Variants in PID1 observed in about 807,000 individuals in gnomAD.
PID1 encodes PTB-containing, cubilin and LRP1-interacting protein.
Under a neutral mutation model 19.1 loss-of-function variants are expected in PID1, and 10 were observed. That is an observed-to-expected ratio of 0.52 (90% CI 0.32 to 0.89). The LOEUF is 0.89. Ranked by LOEUF, PID1 falls within the 40% of genes least tolerant of loss-of-function variation. PID1 has a pLI of 0.03. For synonymous variants in PID1, 130 were observed against 116.0 expected, an observed-to-expected ratio of 1.12 and a Z score of -0.78; for missense variants, 248 against 285.3, an observed-to-expected ratio of 0.87 and a Z score of 0.94.
chr2:229,162,227 G>T (rs1690505399), intron 1 of PID1, among the ~76,000 whole-genome samples: 1 of 152,176 alleles, frequency 6.6e-6, no homozygotes, highest in South Asian at 2.1e-4. Context: ...TGCAGACGGG[G>T]TAATCGCCAT....
chr2:229,072,850 G>C (rs1694484760), intron 2 of PID1, among the ~76,000 whole-genome samples: 1 of 152,170 alleles, frequency 6.6e-6, no homozygotes, highest in Non-Finnish European at 1.5e-5. Context: ...AAGATCTTCT[G>C]AGAAAATAAG....
At chr2:229,205,063 A>T (rs890012410) in intron 1 of PID1, among the ~76,000 whole-genome samples, 3 of 152,172 alleles carry the variant, frequency 2.0e-5, no homozygotes, top group Non-Finnish European at 2.9e-5. Flanking sequence ...ACATAAATAG[A>T]ATAACATTTA....
chr2:229,203,236 T>C (rs1358318531), intron 1 of PID1, among the ~76,000 whole-genome samples: 2 of 152,064 alleles, frequency 1.3e-5, no homozygotes, highest in South Asian at 2.1e-4. Context: ...TACAAAGTAA[T>C]AGGATCAGTG....
In PID1 at chr2:229,232,113, G is replaced by A. The variant is rs1395098636; in HGVS notation, c.30+38901C>T. The A allele has an allele frequency of 2.7e-6, 4 of 1,474,528 alleles. No individual in the cohort carries two copies. In the African/African-American group the frequency reaches 5.7e-5, roughly 21 times the overall value. 91.3% of individuals were successfully genotyped at this position (1,474,528 alleles called of 1,614,324 possible). On this transcript the variant is annotated intron_variant, in intron 1 of 2. Coordinates refer to ENST00000392055, the MANE Select transcript of PID1 (RefSeq NM_001100818.2). ...CATTCAAGAGGGGAGGAGCCCTGAT[G>A]ACTTAACCACCTCTTAAAGGTCCCT...
intron 2 of PID1, among the ~76,000 whole-genome samples, chr2:229,093,134 TTTTC>T (rs139361236): frequency 0.64 from 84,605 of 132,866 alleles, 27,839 homozygotes; most frequent in South Asian, 0.76. Flanking sequence ...TTCTTTTTCT[TTTTC>T]TTTTTTTTTT....
At chr2:229,075,633 C>A (rs1348023077) in intron 2 of PID1, among the ~76,000 whole-genome samples, 1 of 152,216 alleles carries the variant, frequency 6.6e-6, no homozygotes, top group Non-Finnish European at 1.5e-5. Flanking sequence ...AAATGCTGCT[C>A]TACACAGAGC....
intron 2 of PID1, among the ~76,000 whole-genome samples, chr2:229,111,078 TCC>T (rs1695288913): frequency 6.6e-6 from 1 of 152,212 alleles, no homozygotes; most frequent in Non-Finnish European, 1.5e-5. Context: ...TCTCATTCTC[TCC>T]CTTATCTGCT....
At chr2:229,181,062 CTCTT>C (rs1307000369) in intron 1 of PID1, among the ~76,000 whole-genome samples, 1 of 152,234 alleles carries the variant, frequency 6.6e-6, no homozygotes, top group Admixed American at 6.5e-5. Context: ...GTCTCTGTGT[CTCTT>C]TCTTTTCCAA....
At chr2:229,221,594 ATCT>A (rs1236669088) in intron 1 of PID1, among the ~76,000 whole-genome samples, 1 of 152,070 alleles carries the variant, frequency 6.6e-6, no homozygotes, top group Non-Finnish European at 1.5e-5. Context: ...GCCCTCAGTC[ATCT>A]TCTTTCCTCC....
chr2:229,151,111 A>AT (rs200598749), intron 2 of PID1, among the ~76,000 whole-genome samples: 29 of 149,548 alleles, frequency 1.9e-4, no homozygotes, highest in South Asian at 4.3e-4. Flanking sequence ...TAGCCCTTAC[A>AT]TTTTTTTTTT....
At chr2:229,239,601 A>C (rs933875932) in intron 1 of PID1, among the ~76,000 whole-genome samples, 1 of 152,100 alleles carries the variant, frequency 6.6e-6, no homozygotes, top group Non-Finnish European at 1.5e-5. Context: ...GAAAGAAAAA[A>C]ATTTCACAAT....
At chr2:229,235,874 G>A (rs1274760841) in intron 1 of PID1, among the ~76,000 whole-genome samples, 1 of 152,176 alleles carries the variant, frequency 6.6e-6, no homozygotes, top group Non-Finnish European at 1.5e-5. Context: ...GGGACGGGGG[G>A]CCAGGCAGGA....
intron 2 of PID1, among the ~76,000 whole-genome samples, chr2:229,107,067 A>G (rs1156552659): frequency 6.6e-6 from 1 of 152,144 alleles, no homozygotes; most frequent in East Asian, 1.9e-4. Context: ...GAGAGGAAGG[A>G]CCTATGGGGA....
intron 1 of PID1, among the ~76,000 whole-genome samples, chr2:229,190,412 G>C (rs550100814): frequency 2.2e-4 from 33 of 152,322 alleles, no homozygotes; most frequent in African/African-American, 7.9e-4. Context: ...CTGGCATTTG[G>C]CATGAGCCAG....
chr2:229,262,153 T>C (rs966235348), intron 1 of PID1, among the ~76,000 whole-genome samples: 34 of 152,208 alleles, frequency 2.2e-4, no homozygotes, highest in African/African-American at 8.2e-4. Flanking sequence ...ACAACCTAGT[T>C]TGTTTTGAGG....
chr2:229,261,741 C>G (rs775778867), intron 1 of PID1, among the ~76,000 whole-genome samples: 4 of 152,200 alleles, frequency 2.6e-5, no homozygotes, highest in South Asian at 2.1e-4. Context: ...ACCAGAATGA[C>G]TCTTCACTCT....
chr2:229,159,698 GT>G (rs1275392982), intron 1 of PID1, among the ~76,000 whole-genome samples: 8 of 152,160 alleles, frequency 5.3e-5, no homozygotes, highest in Non-Finnish European at 2.9e-5. Flanking sequence ...AGAATAAAAA[GT>G]TGCCAGCTCT....
intron 2 of PID1, among the ~76,000 whole-genome samples, chr2:229,127,369 G>A (rs1264797343): frequency 6.6e-6 from 1 of 152,152 alleles, no homozygotes; most frequent in Non-Finnish European, 1.5e-5. Flanking sequence ...TAAGAGACCT[G>A]TGAATCAGCA....
chr2:229,026,255 A>C, intron 2 of PID1, 147 bp from the exon 3 acceptor site: 2 of 628,672 alleles, frequency 3.2e-6, no homozygotes, highest in Non-Finnish European at 5.6e-6. Flanking sequence ...AGAATAACTC[A>C]TCAAAATTTC....
Sources: allele counts gnomAD v4.1 joint callset (sites outside exome capture counted in the v4.1 genomes callset), GRCh38; gene constraint gnomAD v4.1.1; transcripts MANE v1.5; gene names NCBI Gene and HGNC (gene_info 2026-07-23, HGNC 2026-07-21).